F9: variants seen among roughly 807,000 people sequenced by gnomAD.
F9 encodes Christmas factor.
A neutral mutation model predicts 34.1 loss-of-function variants in F9; 2 were observed. The observed-to-expected ratio is 0.06, with a 90% CI of 0.02 to 0.18. The LOEUF (loss-of-function observed/expected upper bound fraction) is 0.18. Ranked by LOEUF, F9 falls within the 10% of genes least tolerant of loss-of-function variation. F9 has a pLI of 1.00. For missense variants in F9, 216 were observed against 345.1 expected, an observed-to-expected ratio of 0.63 and a Z score of 2.96; for synonymous variants, 137 against 118.8, an observed-to-expected ratio of 1.15 and a Z score of -1.00.
At position 139,562,820 on chromosome X, in the gene F9, A is replaced by G. The variant is rs1313106016; in HGVS notation, c.*749A>G. On this transcript the variant is annotated 3_prime_UTR_variant, in exon 8 of 8. Transcript: ENST00000218099. The stretch of plus-strand genomic sequence containing the variant: ...TAAGGTGCCTGAAAAGTTTGGGGGA[A>G]AAGTTTCTTTCAGAGAGTTAAGTTA... The G allele has an allele frequency of 1.9e-5, 2 of 105,822 alleles. No homozygotes were observed. Among genetic ancestry groups the G allele is most frequent in the Non-Finnish European group, 3.9e-5 (2 of 51,784 alleles). The allele number at this position is 105,822 out of a possible 1,213,427, so 8.7% of individuals were successfully genotyped here. A position where few individuals can be genotyped will look rare whatever the true frequency, so the allele number is the denominator to read the frequency against.
intron 1 of F9, among the ~76,000 whole-genome samples, chrX:139,531,542 CAAG>C (rs1927344761): frequency 8.9e-6 from 1 of 112,158 alleles, no homozygotes; most frequent in African/African-American, 3.2e-5. Context: ...GGGAGAAAAG[CAAG>C]CTTAAGAATT....
intron 4 of F9, among the ~76,000 whole-genome samples, chrX:139,543,643 T>C (rs1046628426): frequency 4.5e-5 from 5 of 112,150 alleles, no homozygotes; most frequent in Non-Finnish European, 9.4e-5. Context: ...CAAGTGGATA[T>C]ATCAGGAAAT....
chrX:139,557,355 C>A (rs1320291322), intron 6 of F9, among the ~76,000 whole-genome samples: 2 of 112,072 alleles, frequency 1.8e-5, no homozygotes, highest in African/African-American at 3.2e-5. Context: ...TCTTTAAATG[C>A]AAATATATTT....
intron 1 of F9, among the ~76,000 whole-genome samples, chrX:139,532,118 C>T (rs1927356400): frequency 9.0e-6 from 1 of 111,599 alleles, no homozygotes; most frequent in Non-Finnish European, 1.9e-5. Context: ...AAGGATGAAC[C>T]AGGCTTTTGG....
At chrX:139,556,105 A>G (rs1927962167) in intron 6 of F9, among the ~76,000 whole-genome samples, 1 of 111,193 alleles carries the variant, frequency 9.0e-6, no homozygotes, top group African/African-American at 3.3e-5. Context: ...CTGTTTTACC[A>G]TAGGCCTCAG....
chrX:139,542,677 A>G (rs1927628889), intron 4 of F9, among the ~76,000 whole-genome samples: 1 of 112,155 alleles, frequency 8.9e-6, no homozygotes, highest in Non-Finnish European at 1.9e-5. Flanking sequence ...ACCTAGTTTA[A>G]AAATAAAGAT....
Position 139,537,014 on chromosome X carries a change from T to C in F9, c.93T>C (p.Phe31=). Residue 31 remains phenylalanine (F), a synonymous_variant, in exon 2 of 8, where the codon TTT becomes TTC. Coordinates refer to ENST00000218099, the MANE Select transcript of F9 (RefSeq NM_000133.4). ...AATTATTCTTTTACATTTCAGTTTT[T>C]CTTGATCATGAAAACGCCAACAAAA... ...GYLLSAECTV[F]LDHENANKIL... The C allele has an allele frequency of 8.3e-7, 1 of 1,206,164 alleles. No individual in the cohort carries two copies. Among genetic ancestry groups the C allele is most frequent in the Non-Finnish European group, 1.1e-6 (1 of 892,076 alleles).
chrX:139,531,314 A>G (rs1231745185), intron 1 of F9, among the ~76,000 whole-genome samples: 1 of 112,408 alleles, frequency 8.9e-6, no homozygotes, highest in African/African-American at 3.2e-5. Flanking sequence ...ATGACATTTC[A>G]AGGTTTCAGA....
intron 3 of F9, among the ~76,000 whole-genome samples, chrX:139,539,212 C>T (rs945604487): frequency 4.5e-5 from 5 of 111,993 alleles, no homozygotes; most frequent in African/African-American, 1.6e-4. Context: ...AACCCTCACA[C>T]CATCCTTGTG....
At chrX:139,559,528 CAA>C (rs368983615) in intron 6 of F9, among the ~76,000 whole-genome samples, 1 of 96,814 alleles carries the variant, frequency 1.0e-5, no homozygotes, top group Non-Finnish European at 2.1e-5. Context: ...AAGACTCCGT[CAA>C]AAAAAAAAAA....
chrX:139,558,172 A>T (rs151157827), intron 6 of F9, among the ~76,000 whole-genome samples: 258 of 113,766 alleles, frequency 2.3e-3, no homozygotes, highest in African/African-American at 7.8e-3. Context: ...CTATCTTGGA[A>T]GGGGGCTTGG....
At chrX:139,559,867 T>C (rs750601116) in intron 6 of F9, among the ~76,000 whole-genome samples, 1 of 112,204 alleles carries the variant, frequency 8.9e-6, no homozygotes, top group African/African-American at 3.2e-5. Flanking sequence ...TTCCCAGCTT[T>C]CTTCCTATAA....
intron 7 of F9, 113 bp downstream of exon 7, chrX:139,560,968 G>A (rs1928087272): frequency 1.6e-6 from 1 of 622,001 alleles, no homozygotes; most frequent in Non-Finnish European, 2.6e-6. Flanking sequence ...TTGGGCTAAA[G>A]GCAGAAGGGT....
At chrX:139,536,301 A>AGAGAG (rs1044061553) in intron 1 of F9, among the ~76,000 whole-genome samples, 3 of 79,694 alleles carry the variant, frequency 3.8e-5, no homozygotes, top group African/African-American at 1.2e-4. Context: ...AGAGAGAGAG[A>AGAGAG]GAGAGGAGAG....
intron 6 of F9, among the ~76,000 whole-genome samples, chrX:139,556,266 T>C (rs995883565): frequency 5.3e-5 from 6 of 112,313 alleles, no homozygotes; most frequent in Middle Eastern, 4.6e-3. Flanking sequence ...GTTAACCGTA[T>C]TAACCTACAG....
At chrX:139,548,651 TC>T (rs1322771003) in intron 5 of F9, among the ~76,000 whole-genome samples, 160 bp downstream of exon 5, 2 of 112,105 alleles carry the variant, frequency 1.8e-5, no homozygotes, top group Non-Finnish European at 3.8e-5. Flanking sequence ...CTAGATTGCA[TC>T]ATATTTTAAA....
At chrX:139,537,670 A>G (rs1308712008) in intron 3 of F9, among the ~76,000 whole-genome samples, 1 of 111,558 alleles carries the variant, frequency 9.0e-6, no homozygotes, top group African/African-American at 3.3e-5. Context: ...CTTAGAACCT[A>G]ATGAAAGTTT....
rs1339410613 is a variant in F9 at position 139,560,833 on chromosome X, T to C, written c.816T>C (p.Gly272=). 1.7e-6 allele frequency: 2 copies of C among 1,200,206 alleles called. No homozygotes were observed. The highest frequency in any genetic ancestry group is 2.3e-6 in the Non-Finnish European group (2 of 886,351). The change falls in exon 7 of 8, where the codon GGT becomes GGC. Residue 272 remains glycine, a synonymous_variant. Transcript: ENST00000218099. ...IVTAAHCVET[G]VKITVVAGEH... is the part of the protein sequence containing the mutation. ...CTGCTGCCCACTGTGTTGAAACTGG[T>C]GTTAAAATTACAGTTGTCGCAGGTA...
At chrX:139,552,682 C>T (rs996412006) in intron 6 of F9, among the ~76,000 whole-genome samples, 4 of 112,349 alleles carry the variant, frequency 3.6e-5, no homozygotes, top group Non-Finnish European at 3.8e-5. Context: ...AGAGTGCAAG[C>T]GGAGATAGAA....
Sources: allele counts gnomAD v4.1 joint callset (sites outside exome capture counted in the v4.1 genomes callset), GRCh38; gene constraint gnomAD v4.1.1; transcripts MANE v1.5; gene names NCBI Gene and HGNC (gene_info 2026-07-23, HGNC 2026-07-21).